ZNF277: variants seen among roughly 807,000 people sequenced by gnomAD.
The protein encoded by ZNF277 is nuclear receptor-interacting factor 4.
A neutral mutation model predicts 60.7 loss-of-function variants in ZNF277; 55 were observed. The observed-to-expected ratio is 0.91, with a 90% confidence interval of 0.73 to 1.13. The LOEUF (loss-of-function observed/expected upper bound fraction) is 1.13. Among genes scored for constraint, ZNF277 ranks in the 50% most tolerant of loss-of-function variants. ZNF277 has a pLI of 0.00. For missense variants in ZNF277, 510 were observed against 523.0 expected (o/e 0.98, Z 0.24); for synonymous variants, 178 against 179.3 (o/e 0.99, Z 0.06).
At chr7:112,241,335 G>C (rs1204241136) in intron 1 of ZNF277, among the ~76,000 whole-genome samples, 1 of 152,098 alleles carries the variant, frequency 6.6e-6, no homozygotes, top group Non-Finnish European at 1.5e-5. Context: ...AGTTAAAATG[G>C]CTTTCATGCA....
chr7:112,294,796 A>T (rs575320397), intron 2 of ZNF277, among the ~76,000 whole-genome samples: 48 of 152,294 alleles, frequency 3.2e-4, no homozygotes, highest in African/African-American at 1.0e-3. Context: ...TAAGAAAAAA[A>T]TTAATAATAA....
At chr7:112,341,250 T>A (rs1256547065) in intron 11 of ZNF277, 3 of 394,172 alleles carry the variant, frequency 7.6e-6, no homozygotes. Flanking sequence ...AAACCAAGTA[T>A]TTTTCAGTAT....
At chr7:112,262,982 C>T (rs1791468834) in intron 1 of ZNF277, among the ~76,000 whole-genome samples, 1 of 152,160 alleles carries the variant, frequency 6.6e-6, no homozygotes, top group African/African-American at 2.4e-5. Flanking sequence ...GATATTTGCT[C>T]AGGGAGTGTA....
intron 4 of ZNF277, among the ~76,000 whole-genome samples, chr7:112,312,403 T>C (rs1044675960): frequency 4.6e-5 from 7 of 152,056 alleles, no homozygotes; most frequent in Non-Finnish European, 8.8e-5. Context: ...CTAAGTATTA[T>C]CTGGACACTA....
rs550035309 is a variant in ZNF277, at chr7:112,334,894, G to A, written c.802-1210G>A. On this transcript the variant is annotated intron_variant, in intron 7 of 11. Coordinates refer to ENST00000361822, the MANE Select transcript of ZNF277 (RefSeq NM_021994.3). The stretch of plus-strand genomic sequence containing the variant: ...TGGCAGTGTTGAGGCCATTTTTGGT[G>A]TTCTGTAATGAGATTCAGACACTTC... Among the ~76,000 whole-genome samples, 46 of 152,226 alleles carry A rather than the reference G, an allele frequency of 3.0e-4. 2 individuals carry two copies. The South Asian group carries it at 6.6e-3, about 22-fold the overall frequency.
chr7:112,319,656 A>G (rs970846360), intron 5 of ZNF277, among the ~76,000 whole-genome samples: 1 of 147,508 alleles, frequency 6.8e-6, no homozygotes, highest in African/African-American at 2.5e-5. Context: ...TATAAATTAT[A>G]TAATATATAT....
At chr7:112,209,352 T>G (rs544590376) in intron 1 of ZNF277, among the ~76,000 whole-genome samples, 1 of 152,344 alleles carries the variant, frequency 6.6e-6, no homozygotes, top group South Asian at 2.1e-4. Flanking sequence ...CATTGCCACC[T>G]GTAGTATATG....
chr7:112,222,526 A>G (rs1822059123), intron 1 of ZNF277, among the ~76,000 whole-genome samples: 2 of 152,062 alleles, frequency 1.3e-5, no homozygotes, highest in South Asian at 4.1e-4. Flanking sequence ...ATCAGCTGTG[A>G]TATCTCCTTC....
At chr7:112,217,236 A>T (rs955723785) in intron 1 of ZNF277, among the ~76,000 whole-genome samples, 1 of 152,234 alleles carries the variant, frequency 6.6e-6, no homozygotes, top group East Asian at 1.9e-4. Context: ...AACAGGTGGT[A>T]CTGGGCCTTG....
At chr7:112,330,045 C>T (rs747735001) in intron 6 of ZNF277, 39 bp from the exon 7 acceptor site, 1 of 1,586,972 alleles carries the variant, frequency 6.3e-7, no homozygotes, top group Non-Finnish European at 8.5e-7. Context: ...AGCAACTATA[C>T]AAGAGACTTG....
chr7:112,275,011 T>C (rs1194374938), intron 1 of ZNF277, among the ~76,000 whole-genome samples: 1 of 152,198 alleles, frequency 6.6e-6, no homozygotes, highest in Non-Finnish European at 1.5e-5. Context: ...TTTTGTTACA[T>C]TGGCCATCCT....
intron 4 of ZNF277, among the ~76,000 whole-genome samples, chr7:112,297,924 C>T (rs1792390956): frequency 6.6e-6 from 1 of 152,150 alleles, no homozygotes; most frequent in African/African-American, 2.4e-5. Context: ...CAGATGGACT[C>T]AGGTCTCTAA....
intron 4 of ZNF277, among the ~76,000 whole-genome samples, chr7:112,312,475 A>G (rs757436191): frequency 1.3e-5 from 2 of 152,136 alleles, no homozygotes; most frequent in African/African-American, 2.4e-5. Flanking sequence ...TTGTGGTTAT[A>G]CATAGGGGAA....
At chr7:112,260,285 ACC>A (rs1791414628) in intron 1 of ZNF277, among the ~76,000 whole-genome samples, 1 of 152,210 alleles carries the variant, frequency 6.6e-6, no homozygotes, top group African/African-American at 2.4e-5. Flanking sequence ...CTTCTACAGC[ACC>A]AAAAAGATTA....
At chr7:112,255,767 A>G (rs909074082) in intron 1 of ZNF277, among the ~76,000 whole-genome samples, 1 of 152,230 alleles carries the variant, frequency 6.6e-6, no homozygotes, top group African/African-American at 2.4e-5. Flanking sequence ...TTGGAGTCAA[A>G]TCACTGAATA....
At chr7:112,225,806 A>G (rs1822159127) in intron 1 of ZNF277, among the ~76,000 whole-genome samples, 1 of 152,116 alleles carries the variant, frequency 6.6e-6, no homozygotes, top group African/African-American at 2.4e-5. Context: ...GGCCAATGTA[A>G]ATTTAGTATA....
intron 7 of ZNF277, 74 bp from the exon 8 acceptor site, chr7:112,336,030 T>A: frequency 3.7e-6 from 5 of 1,348,240 alleles, no homozygotes; most frequent in Non-Finnish European, 5.1e-6. Flanking sequence ...GGTTTTGATT[T>A]TTTTCAAAGT....
At chr7:112,207,753 T>A (rs1821589573) in intron 1 of ZNF277, among the ~76,000 whole-genome samples, 1 of 152,102 alleles carries the variant, frequency 6.6e-6, no homozygotes, top group Non-Finnish European at 1.5e-5. Context: ...TGCGACTTTG[T>A]TTTTCGATTT....
At chr7:112,309,080 T>C (rs1792664695) in intron 4 of ZNF277, among the ~76,000 whole-genome samples, 1 of 151,994 alleles carries the variant, frequency 6.6e-6, no homozygotes, top group African/African-American at 2.4e-5. Context: ...TACGATCTAC[T>C]TTAGGGGGAA....
Sources: gnomAD v4.1 joint callset for allele counts (sites outside exome capture counted in the v4.1 genomes callset) on GRCh38, gnomAD v4.1.1 for gene constraint, MANE v1.5 for transcripts, NCBI Gene and HGNC (gene_info 2026-07-23, HGNC 2026-07-21) for gene names.